The following CEMIP2 variants were observed in gnomAD, a reference collection of about 807,000 sequenced individuals.
CEMIP2 encodes cell migration inducing hyaluronidase 2.
Under a neutral mutation model 146.9 loss-of-function variants are expected in CEMIP2, and 79 were observed. The observed-to-expected ratio is 0.54, with a 90% CI of 0.45 to 0.65. The LOEUF (loss-of-function observed/expected upper bound fraction) is 0.65, where lower values mean the gene tolerates loss of function less well. Among genes scored for constraint, CEMIP2 ranks in the 30% least tolerant of loss-of-function variants. The pLI is 0.00. For synonymous variants in CEMIP2, 601 were observed against 606.3 expected, an observed-to-expected ratio of 0.99 and a Z score of 0.13; for missense variants, 1,596 against 1,696.2, an observed-to-expected ratio of 0.94 and a Z score of 1.04.
chr9:71,725,804 C>G, intron 10 of CEMIP2, 95 bp from the exon 11 acceptor site: 2 of 1,373,952 alleles, frequency 1.5e-6, no homozygotes, highest in Non-Finnish European at 1.9e-6. Context: ...CAAGTTTAAT[C>G]TTTTTCACCC....
chr9:71,738,872 G>T (rs1823836068), intron 5 of CEMIP2, among the ~76,000 whole-genome samples: 1 of 151,958 alleles, frequency 6.6e-6, no homozygotes, highest in Non-Finnish European at 1.5e-5. Flanking sequence ...AATAAATTTT[G>T]ATTTGAAAGA....
intron 1 of CEMIP2, among the ~76,000 whole-genome samples, chr9:71,761,248 T>C (rs1254542366): frequency 6.6e-6 from 1 of 152,214 alleles, no homozygotes; most frequent in East Asian, 1.9e-4. Flanking sequence ...GACAATGCAT[T>C]AAAATACTTC....
At chr9:71,740,650 T>C (rs1432291546) in intron 4 of CEMIP2, among the ~76,000 whole-genome samples, 4 of 152,210 alleles carry the variant, frequency 2.6e-5, no homozygotes, top group African/African-American at 9.7e-5. Flanking sequence ...CCCAGGGAGT[T>C]TGAAAAATAT....
intron 2 of CEMIP2, among the ~76,000 whole-genome samples, chr9:71,747,712 C>T (rs750807762): frequency 1.3e-5 from 2 of 151,670 alleles, no homozygotes; most frequent in Admixed American, 6.6e-5. Context: ...TTGTTCTATA[C>T]AGAAAAAAAA....
chr9:71,751,405 G>A (rs944289759), intron 1 of CEMIP2, among the ~76,000 whole-genome samples: 3 of 152,126 alleles, frequency 2.0e-5, no homozygotes, highest in Admixed American at 6.5e-5. Flanking sequence ...GTAATCACCC[G>A]CTAAGGTGAA....
intron 6 of CEMIP2, among the ~76,000 whole-genome samples, chr9:71,733,882 C>T (rs1352503414): frequency 2.0e-5 from 3 of 151,122 alleles, no homozygotes; most frequent in African/African-American, 7.3e-5. Flanking sequence ...CTCGCTCTGT[C>T]GCCCAGGCTG....
intron 15 of CEMIP2, chr9:71,712,581 A>C: frequency 4.9e-6 from 1 of 204,600 alleles, no homozygotes; most frequent in African/African-American, 2.3e-5. Context: ...TCTTCCTAGA[A>C]TCAACTCAGT....
chr9:71,745,701 A>T (rs1161525116), intron 3 of CEMIP2, 122 bp from the exon 4 acceptor site: 2 of 987,718 alleles, frequency 2.0e-6, no homozygotes, highest in African/African-American at 1.6e-5. Flanking sequence ...ATTCGCTAAG[A>T]ATCTGCTTAG....
intron 22 of CEMIP2, 25 bp from the exon 23 acceptor site, chr9:71,685,871 G>GAGCC: frequency 6.4e-7 from 1 of 1,558,128 alleles, no homozygotes. Flanking sequence ...TAGAAAGTCA[G>GAGCC]AGCCAATTTC....
Position 71,685,785 on chromosome 9 carries a change from C to G in CEMIP2, c.3913G>C (p.Val1305Leu). 6.2e-7 allele frequency: 1 copy of G among 1,614,040 alleles called. No homozygotes were observed. Among genetic ancestry groups the G allele is most frequent in the Non-Finnish European group, 8.5e-7 (1 of 1,179,962 alleles). The change falls in exon 23 of 24, where the codon GTA becomes CTA. Residue 1305 changes from valine to leucine, a missense_variant. Transcript: ENST00000377044. ...IKQLNISHLL[V>L]PLGLAKPAHL... Reference sequence around the variant, plus strand: ...GCTGGTTTGGCTAATCCCAGAGGTACTAGTAAGTGTGAAATGTTTAACTGC... The same window carrying G: ...GCTGGTTTGGCTAATCCCAGAGGTAGTAGTAAGTGTGAAATGTTTAACTGC...
chr9:71,767,450 C>T (rs1490354703), intron 1 of CEMIP2, among the ~76,000 whole-genome samples: 1 of 152,192 alleles, frequency 6.6e-6, no homozygotes, highest in African/African-American at 2.4e-5. Context: ...AATTATTAGG[C>T]AGTCTATCCT....
At chr9:71,755,443 G>C (rs1824405551) in intron 1 of CEMIP2, among the ~76,000 whole-genome samples, 2 of 151,812 alleles carry the variant, frequency 1.3e-5, no homozygotes, top group African/African-American at 4.8e-5. Flanking sequence ...CGGAGGCGGA[G>C]GCAGTGAGGC....
Position 71,685,050 on chromosome 9 carries a change from A to T in CEMIP2, c.*147T>A. ...AGGTGCATGAAGCTGGTATCCAAGC[A>T]ATAATTTCAAACGCTTTCTTTTCTC... On this transcript the variant is annotated 3_prime_UTR_variant, in exon 24 of 24. Transcript: ENST00000377044. 1 of 700,078 alleles carries T rather than the reference A, an allele frequency of 1.4e-6. No individual in the cohort carries two copies. The highest frequency in any genetic ancestry group is 2.2e-6 in the Non-Finnish European group (1 of 447,878). The allele number at this position is 700,078 out of a possible 1,614,324, so 43.4% of individuals were successfully genotyped here. A position where few individuals can be genotyped will look rare whatever the true frequency, so the allele number is the denominator to read the frequency against.
chr9:71,732,661 G>T, intron 6 of CEMIP2, 141 bp from the exon 7 acceptor site: 1 of 345,310 alleles, frequency 2.9e-6, no homozygotes, highest in Non-Finnish European at 4.5e-6. Flanking sequence ...TGACACTTCA[G>T]AATCAGAATC....
intron 19 of CEMIP2, chr9:71,699,462 AAAAG>A (rs1554681070): frequency 1.4e-5 from 6 of 420,074 alleles, no homozygotes; most frequent in African/African-American, 4.5e-5. Context: ...TAAAAAAAAA[AAAAG>A]AAAGAAAGAA....
intron 22 of CEMIP2, among the ~76,000 whole-genome samples, chr9:71,688,779 A>C (rs1190004318): frequency 6.6e-6 from 1 of 152,158 alleles, no homozygotes; most frequent in Non-Finnish European, 1.5e-5. Context: ...CTTCTTCAAT[A>C]GGTCAGAATT....
chr9:71,752,407 T>C (rs1245114751), intron 1 of CEMIP2, among the ~76,000 whole-genome samples: 1 of 19,166 alleles, frequency 5.2e-5, no homozygotes, highest in East Asian at 1.3e-3. Context: ...TTATAAGTTT[T>C]TGAATTAAAG....
intron 6 of CEMIP2, among the ~76,000 whole-genome samples, chr9:71,733,235 T>A (rs932273488): frequency 6.6e-6 from 1 of 152,270 alleles, no homozygotes; most frequent in Non-Finnish European, 1.5e-5. Flanking sequence ...TTATGCATTC[T>A]TTTAAATTCC....
Position 71,732,469 on chromosome 9 carries a change from C to T in CEMIP2, c.1445G>A (p.Arg482Lys). 1 of 1,613,980 alleles carries T rather than the reference C, an allele frequency of 6.2e-7. No homozygotes were observed. Among genetic ancestry groups the T allele is most frequent in the Non-Finnish European group, 8.5e-7 (1 of 1,179,986 alleles). The change falls in exon 7 of 24, where the codon AGA becomes AAA. Residue 482 changes from arginine to lysine, a missense_variant. Physicochemically the swap from Arg to Lys is conservative, Grantham distance 26. Transcript: ENST00000377044. ...MGEIIDGVDM[R>K]AEVGILTRNI... ...CCGGGTAAGAATTCCAACCTCAGCTCTCATGTCTACACCGTCTATGATCTC... is the reference window on the plus strand; with the variant it reads ...CCGGGTAAGAATTCCAACCTCAGCTTTCATGTCTACACCGTCTATGATCTC...
Sources: gnomAD v4.1 joint callset for allele counts (sites outside exome capture counted in the v4.1 genomes callset) on GRCh38, gnomAD v4.1.1 for gene constraint, MANE v1.5 for transcripts, NCBI Gene and HGNC (gene_info 2026-07-23, HGNC 2026-07-21) for gene names.